The following ENTREP2 variants were observed in gnomAD, a reference collection of about 807,000 sequenced individuals.
The protein encoded by ENTREP2 is protein ENTREP2.
the ENTREP2 span, among the ~76,000 whole-genome samples, chr15:29,460,083 C>CA: frequency 1.3e-5 from 2 of 151,706 alleles, no homozygotes; most frequent in Admixed American, 6.6e-5. Flanking sequence ...CATGTCACAA[C>CA]AAAAAACATT....
chr15:29,491,394 G>A, the ENTREP2 span, among the ~76,000 whole-genome samples: 1 of 152,230 alleles, frequency 6.6e-6, no homozygotes, highest in East Asian at 1.9e-4. Flanking sequence ...GGTGCAGAGA[G>A]TGAGCGAGCG....
At chr15:29,647,477 T>C in the ENTREP2 span, among the ~76,000 whole-genome samples, 2 of 152,182 alleles carry the variant, frequency 1.3e-5, no homozygotes, top group African/African-American at 2.4e-5. Flanking sequence ...TGCTATTCTA[T>C]CTCCAGTTTC....
the ENTREP2 span, among the ~76,000 whole-genome samples, chr15:29,342,905 G>A: frequency 6.6e-6 from 1 of 151,816 alleles, no homozygotes; most frequent in Non-Finnish European, 1.5e-5. Context: ...TTCTAAGTTT[G>A]CATACTTTCT....
the ENTREP2 span, among the ~76,000 whole-genome samples, chr15:29,641,293 C>T: frequency 5.3e-5 from 8 of 152,080 alleles, no homozygotes; most frequent in African/African-American, 1.4e-4. Flanking sequence ...AATATTATAC[C>T]GGAAGTTCTA....
the ENTREP2 span, chr15:29,269,087 C>G: frequency 6.2e-7 from 1 of 1,613,958 alleles, no homozygotes; most frequent in Non-Finnish European, 8.5e-7. Context: ...GTGGGGTAGA[C>G]CCCTAAGCGC....
At chr15:29,373,397 A>G in the ENTREP2 span, among the ~76,000 whole-genome samples, 1 of 152,142 alleles carries the variant, frequency 6.6e-6, no homozygotes, top group African/African-American at 2.4e-5. Flanking sequence ...AACATTCCTA[A>G]TGAGATAGGG....
At chr15:29,456,163 G>A in the ENTREP2 span, among the ~76,000 whole-genome samples, 2 of 151,972 alleles carry the variant, frequency 1.3e-5, no homozygotes, top group Non-Finnish European at 2.9e-5. Context: ...CCAAAAGGCT[G>A]GAGACTGCTG....
chr15:29,166,220 G>C, the ENTREP2 span, among the ~76,000 whole-genome samples: 1 of 152,112 alleles, frequency 6.6e-6, no homozygotes, highest in African/African-American at 2.4e-5. Flanking sequence ...ACATAATACT[G>C]AATGGGGAAA....
the ENTREP2 span, among the ~76,000 whole-genome samples, chr15:29,314,168 A>G: frequency 1.3e-5 from 2 of 152,258 alleles, no homozygotes; most frequent in Non-Finnish European, 2.9e-5. Flanking sequence ...AAGATACTGC[A>G]GACATTATTG....
chr15:29,155,425 A>G, the ENTREP2 span, among the ~76,000 whole-genome samples: 4 of 152,312 alleles, frequency 2.6e-5, no homozygotes, highest in Admixed American at 2.0e-4. Context: ...CTGTGTGAGC[A>G]CCAGGCACTG....
chr15:29,162,637 C>T, the ENTREP2 span, among the ~76,000 whole-genome samples: 2 of 152,078 alleles, frequency 1.3e-5, no homozygotes, highest in African/African-American at 2.4e-5. Context: ...ACCCATCCCC[C>T]ACAGGAGCTG....
the ENTREP2 span, among the ~76,000 whole-genome samples, chr15:29,377,499 A>G: frequency 6.6e-6 from 1 of 152,086 alleles, no homozygotes; most frequent in Non-Finnish European, 1.5e-5. Flanking sequence ...GGCTCAAGGC[A>G]GAGAGAAGAC....
At chr15:29,524,679 G>A in the ENTREP2 span, among the ~76,000 whole-genome samples, 6 of 152,332 alleles carry the variant, frequency 3.9e-5, no homozygotes, top group Admixed American at 1.3e-4. Context: ...AGCAATGGGC[G>A]CCTCGCTGGA....
the ENTREP2 span, among the ~76,000 whole-genome samples, chr15:29,617,351 TTTTTG>T: frequency 6.6e-6 from 1 of 152,152 alleles, no homozygotes; most frequent in Non-Finnish European, 1.5e-5. Flanking sequence ...GCCTCCTCCT[TTTTTG>T]TTTTGTCTGG....
At chr15:29,664,862 C>T in the ENTREP2 span, among the ~76,000 whole-genome samples, 1 of 152,230 alleles carries the variant, frequency 6.6e-6, no homozygotes, top group Admixed American at 6.5e-5. Context: ...AGAGAAATCT[C>T]AAAGTCAGAT....
At chr15:29,129,167 G>A in the ENTREP2 span, among the ~76,000 whole-genome samples, 3 of 152,182 alleles carry the variant, frequency 2.0e-5, no homozygotes, top group Non-Finnish European at 4.4e-5. Context: ...GGATTCAAGC[G>A]ATTCTCCTGC....
the ENTREP2 span, among the ~76,000 whole-genome samples, chr15:29,424,371 C>A: frequency 6.6e-6 from 1 of 151,974 alleles, no homozygotes; most frequent in Non-Finnish European, 1.5e-5. Context: ...TGATTGGTCC[C>A]TTTTACAGAG....
chr15:29,604,208 A>G, the ENTREP2 span, among the ~76,000 whole-genome samples: 2 of 152,356 alleles, frequency 1.3e-5, no homozygotes, highest in South Asian at 4.1e-4. Context: ...TCTACTTAGT[A>G]ACCAAGGCAA....
the ENTREP2 span, chr15:29,268,860 G>A: frequency 4.3e-5 from 69 of 1,614,102 alleles, no homozygotes; most frequent in Non-Finnish European, 5.7e-5. Flanking sequence ...AAGCCTCACA[G>A]TACTGCGCTG....
Sources: gnomAD v4.1 joint callset for allele counts (sites outside exome capture counted in the v4.1 genomes callset) on GRCh38, gnomAD v4.1.1 for gene constraint, MANE v1.5 for transcripts, NCBI Gene and HGNC (gene_info 2026-07-23, HGNC 2026-07-21) for gene names.